Variants in CEP112 observed in about 807,000 individuals in gnomAD.
The protein encoded by CEP112 is centrosomal protein 112.
Under a neutral mutation model 153.0 loss-of-function variants are expected in CEP112, and 127 were observed. The observed-to-expected ratio is 0.83, with a 90% CI of 0.72 to 0.96. The LOEUF (loss-of-function observed/expected upper bound fraction) is 0.96. Ranked by LOEUF, CEP112 falls within the 40% of genes least tolerant of loss-of-function variation. CEP112 has a pLI of 0.00. For synonymous variants in CEP112, 358 were observed against 374.4 expected, an observed-to-expected ratio of 0.96 and a Z score of 0.51; for missense variants, 1,089 against 1,101.2, an observed-to-expected ratio of 0.99 and a Z score of 0.16.
At chr17:66,131,463 C>T (rs542491496) in intron 5 of CEP112, among the ~76,000 whole-genome samples, 46 of 152,148 alleles carry the variant, frequency 3.0e-4, no homozygotes, top group African/African-American at 9.6e-4. Context: ...ATGTGTTGGC[C>T]GGGGGCAGTG....
chr17:65,836,119 C>T (rs1455050040), intron 21 of CEP112, among the ~76,000 whole-genome samples: 1 of 151,988 alleles, frequency 6.6e-6, no homozygotes, highest in Non-Finnish European at 1.5e-5. Context: ...AAAGTAAATA[C>T]ACTAAAAATA....
At chr17:65,701,592 G>C (rs2048632839) in intron 23 of CEP112, among the ~76,000 whole-genome samples, 1 of 152,156 alleles carries the variant, frequency 6.6e-6, no homozygotes, top group Non-Finnish European at 1.5e-5. Context: ...CTTGCCTAGT[G>C]ACGACTCCTA....
intron 20 of CEP112, among the ~76,000 whole-genome samples, chr17:65,887,272 A>C (rs1161608955): frequency 6.6e-6 from 1 of 152,186 alleles, no homozygotes; most frequent in Non-Finnish European, 1.5e-5. Flanking sequence ...AAACTGAGAC[A>C]ATACATAAGT....
chr17:65,931,509 G>A lies in CEP112; in HGVS notation c.1873-3820C>T, dbSNP rs138015314. On this transcript the variant is annotated intron_variant, in intron 18 of 26. Coordinates refer to ENST00000535342, the MANE Select transcript of CEP112 (RefSeq NM_001199165.4). Reference sequence around the variant, plus strand: ...TTGGCAGGAGGCCCACTTCTGCCTCGCCTTAAAAGGAACATTGGGAGTATT... The same window carrying A: ...TTGGCAGGAGGCCCACTTCTGCCTCACCTTAAAAGGAACATTGGGAGTATT... Among the ~76,000 whole-genome samples, 129 of 152,294 alleles carry A rather than the reference G, an allele frequency of 8.5e-4. 1 individual carries two copies. The East Asian group carries it at 0.022, about 26-fold the overall frequency.
At chr17:65,754,063 T>C (rs1180385709) in intron 21 of CEP112, among the ~76,000 whole-genome samples, 2 of 152,210 alleles carry the variant, frequency 1.3e-5, no homozygotes, top group Non-Finnish European at 2.9e-5. Context: ...GTAAACAAAG[T>C]AACTTTGAAA....
At chr17:66,045,196 A>G (rs2066152818) in intron 12 of CEP112, among the ~76,000 whole-genome samples, 1 of 152,024 alleles carries the variant, frequency 6.6e-6, no homozygotes, top group South Asian at 2.1e-4. Flanking sequence ...TCGGCCCCAC[A>G]AGTAGCTGGG....
intron 23 of CEP112, among the ~76,000 whole-genome samples, chr17:65,729,977 C>A (rs1237093121): frequency 6.6e-6 from 1 of 152,174 alleles, no homozygotes; most frequent in Non-Finnish European, 1.5e-5. Context: ...TATATAGTCA[C>A]CTAGTGACTT....
chr17:65,917,705 C>T (rs1204278068), intron 19 of CEP112, among the ~76,000 whole-genome samples: 1 of 151,984 alleles, frequency 6.6e-6, no homozygotes, highest in Non-Finnish European at 1.5e-5. Context: ...CTTCTTTTCT[C>T]ACGAGGCACA....
intron 23 of CEP112, among the ~76,000 whole-genome samples, chr17:65,710,930 T>G (rs749993869): frequency 1.2e-4 from 19 of 152,186 alleles, no homozygotes; most frequent in Admixed American, 2.0e-4. Context: ...AAAAACTAAT[T>G]AATTCCTGTG....
chr17:65,970,116 T>C (rs1197082051), intron 17 of CEP112, among the ~76,000 whole-genome samples: 1 of 152,224 alleles, frequency 6.6e-6, no homozygotes, highest in East Asian at 1.9e-4. Flanking sequence ...AGCACATGCA[T>C]ATCGCATGTA....
At chr17:65,641,754 C>T (rs181317746) in intron 24 of CEP112, among the ~76,000 whole-genome samples, 1 of 152,118 alleles carries the variant, frequency 6.6e-6, no homozygotes, top group East Asian at 1.9e-4. Flanking sequence ...CACCAAAACC[C>T]CCAAAAATCC....
chr17:66,065,681 G>A (rs567179001), intron 10 of CEP112, among the ~76,000 whole-genome samples: 17 of 148,810 alleles, frequency 1.1e-4, no homozygotes, highest in African/African-American at 4.0e-4. Context: ...CCAGGCTGGA[G>A]TGCAGTGGCA....
intron 21 of CEP112, among the ~76,000 whole-genome samples, chr17:65,803,846 A>C (rs1346566754): frequency 6.6e-6 from 1 of 152,208 alleles, no homozygotes; most frequent in Non-Finnish European, 1.5e-5. Flanking sequence ...CATTTTTATG[A>C]ATCATGAGCA....
intron 8 of CEP112, among the ~76,000 whole-genome samples, chr17:66,076,388 G>A (rs983330517): frequency 7.2e-5 from 11 of 152,114 alleles, no homozygotes; most frequent in Non-Finnish European, 1.5e-4. Flanking sequence ...GGTGAGACCA[G>A]CCCTGAAGAC....
At chr17:66,179,328 T>C (rs1481532701) in intron 2 of CEP112, among the ~76,000 whole-genome samples, 1 of 152,146 alleles carries the variant, frequency 6.6e-6, no homozygotes, top group East Asian at 1.9e-4. Context: ...TCCATGAACA[T>C]AGGGTATCTT....
intron 21 of CEP112, among the ~76,000 whole-genome samples, chr17:65,800,101 T>C (rs946388167): frequency 6.6e-6 from 1 of 152,192 alleles, no homozygotes; most frequent in Admixed American, 6.5e-5. Context: ...TTTTCTTCCA[T>C]AGCCATCTCT....
intron 17 of CEP112, among the ~76,000 whole-genome samples, chr17:65,981,374 T>C (rs1210695463): frequency 6.6e-6 from 1 of 152,190 alleles, no homozygotes; most frequent in Non-Finnish European, 1.5e-5. Flanking sequence ...GAAACCAGCA[T>C]ATTCGATAGC....
chr17:65,711,418 T>C lies in CEP112; in HGVS notation c.2608-22200A>G, dbSNP rs2049178317. ...CAGTACCTATCTCATATGGTGGACA[T>C]GAGGATTATTACATAAAAACACAAT... On this transcript the variant is annotated intron_variant, in intron 23 of 26. Coordinates refer to ENST00000535342, the MANE Select transcript of CEP112 (RefSeq NM_001199165.4). Among the ~76,000 whole-genome samples the C allele has an allele frequency of 2.6e-5, 4 of 152,310 alleles. No individual in the cohort carries two copies. The South Asian group carries it at 8.3e-4, about 32-fold the overall frequency.
At chr17:65,686,199 T>C (rs1011186098) in intron 24 of CEP112, among the ~76,000 whole-genome samples, 2 of 150,164 alleles carry the variant, frequency 1.3e-5, no homozygotes, top group Non-Finnish European at 3.0e-5. Context: ...TTATGAAATA[T>C]TCAGCTTTAC....
Sources: gnomAD v4.1 joint callset for allele counts (sites outside exome capture counted in the v4.1 genomes callset) on GRCh38, gnomAD v4.1.1 for gene constraint, MANE v1.5 for transcripts, NCBI Gene and HGNC (gene_info 2026-07-23, HGNC 2026-07-21) for gene names.